ANKS1B: variants seen among roughly 807,000 people sequenced by gnomAD.
ANKS1B encodes ankyrin repeat and sterile alpha motif domain-containing protein 1B.
A neutral mutation model predicts 148.3 loss-of-function variants in ANKS1B; 36 were observed. The ratio of observed to expected loss-of-function variants is 0.24; its 90% CI spans 0.19 to 0.32. The LOEUF (loss-of-function observed/expected upper bound fraction) is 0.32. Ranked by LOEUF, ANKS1B falls within the 10% of genes least tolerant of loss-of-function variation. The probability of loss-of-function intolerance (pLI) is 1.00; values close to 1 mark genes in which losing one functional copy is unlikely to be tolerated. For synonymous variants in ANKS1B, 542 were observed against 560.8 expected, an observed-to-expected ratio of 0.97 and a Z score of 0.47; for missense variants, 1,157 against 1,542.6, an observed-to-expected ratio of 0.75 and a Z score of 4.19.
chr12:99,094,887 G>A (rs2055390919), intron 15 of ANKS1B, among the ~76,000 whole-genome samples: 1 of 152,150 alleles, frequency 6.6e-6, no homozygotes, highest in Non-Finnish European at 1.5e-5. Context: ...GATTCGGTGT[G>A]GAGAATGGAT....
intron 14 of ANKS1B, among the ~76,000 whole-genome samples, chr12:99,215,491 C>G (rs1267943196): frequency 3.3e-5 from 5 of 152,222 alleles, no homozygotes; most frequent in Non-Finnish European, 7.3e-5. Flanking sequence ...TCAACACCAG[C>G]CTGTGAAAGC....
chr12:98,786,697 G>A (rs2098798129), intron 22 of ANKS1B, among the ~76,000 whole-genome samples: 1 of 152,234 alleles, frequency 6.6e-6, no homozygotes, highest in Non-Finnish European at 1.5e-5. Context: ...AGGGGTTTAT[G>A]ATGGGGAGCA....
At chr12:99,915,476 C>T (rs1378340220) in intron 1 of ANKS1B, among the ~76,000 whole-genome samples, 3 of 152,082 alleles carry the variant, frequency 2.0e-5, no homozygotes, top group African/African-American at 7.2e-5. Context: ...TAATTTGTAG[C>T]AAGGAAATCA....
intron 14 of ANKS1B, among the ~76,000 whole-genome samples, chr12:99,204,760 G>T (rs1431749613): frequency 2.0e-5 from 3 of 152,192 alleles, no homozygotes; most frequent in African/African-American, 7.2e-5. Flanking sequence ...ATAAGCCGTT[G>T]CTAAGGCAAA....
chr12:99,480,179 AATT>A (rs1273989240), intron 10 of ANKS1B, among the ~76,000 whole-genome samples: 1 of 151,834 alleles, frequency 6.6e-6, no homozygotes, highest in African/African-American at 2.4e-5. Context: ...TGTGTAAAAT[AATT>A]ATATTGATTT....
chr12:99,079,362 T>C lies in ANKS1B; in HGVS notation c.2625+5563A>G, dbSNP rs147314884. Among the ~76,000 whole-genome samples the C allele has an allele frequency of 3.2e-3, 484 of 152,302 alleles. 2 individuals are homozygous for C. The highest frequency in any genetic ancestry group is 0.011 in the African/African-American group (460 of 41,566). Reference sequence around the variant, plus strand: ...AGAAGGGGGTAATTTAATCCATTCATTCAGAGGTTCTCAGTGCCATTCAGT... The same window carrying C: ...AGAAGGGGGTAATTTAATCCATTCACTCAGAGGTTCTCAGTGCCATTCAGT... On this transcript the variant is annotated intron_variant, in intron 16 of 26. Coordinates refer to ENST00000683438, the MANE Select transcript of ANKS1B (RefSeq NM_001352186.2).
chr12:99,965,303 T>C (rs1444977280), intron 1 of ANKS1B, among the ~76,000 whole-genome samples: 2 of 152,144 alleles, frequency 1.3e-5, no homozygotes, highest in African/African-American at 4.8e-5. Context: ...CTACTAAGTC[T>C]GAGATAATTT....
intron 9 of ANKS1B, among the ~76,000 whole-genome samples, chr12:99,575,737 G>C (rs764753938): frequency 1.3e-5 from 2 of 152,024 alleles, no homozygotes; most frequent in Non-Finnish European, 2.9e-5. Context: ...GGGAGCTACA[G>C]TTCAAGATGA....
chr12:99,881,479 C>T (rs1276267728), intron 1 of ANKS1B, among the ~76,000 whole-genome samples: 1 of 152,174 alleles, frequency 6.6e-6, no homozygotes, highest in Non-Finnish European at 1.5e-5. Flanking sequence ...GGTACAACTA[C>T]AGGATGTGTG....
At chr12:99,158,725 G>A (rs886763665) in intron 14 of ANKS1B, among the ~76,000 whole-genome samples, 4 of 152,154 alleles carry the variant, frequency 2.6e-5, no homozygotes, top group African/African-American at 9.7e-5. Context: ...CAGATTCTGA[G>A]ATTCTGTAGC....
chr12:99,462,027 C>T (rs1479340471), intron 10 of ANKS1B, among the ~76,000 whole-genome samples: 1 of 152,166 alleles, frequency 6.6e-6, no homozygotes, highest in Non-Finnish European at 1.5e-5. Context: ...AGTTTAGACA[C>T]AATGGCCCAT....
chr12:99,844,477 C>A (rs1254149374), intron 1 of ANKS1B, among the ~76,000 whole-genome samples: 1 of 152,156 alleles, frequency 6.6e-6, no homozygotes, highest in African/African-American at 2.4e-5. Context: ...GTTCTCCCAG[C>A]ACCATTTATT....
intron 14 of ANKS1B, among the ~76,000 whole-genome samples, chr12:99,220,531 C>A: frequency 6.9e-6 from 1 of 145,348 alleles, no homozygotes; most frequent in Non-Finnish European, 1.5e-5. Context: ...ACTGCAAACT[C>A]CGCCTCCCAG....
In ANKS1B at chr12:99,154,341, G is replaced by A; in HGVS notation, c.2474C>T (p.Pro825Leu). The change falls in exon 15 of 27, where the codon CCT (proline) becomes CTT (leucine). Residue 825 changes from proline (P) to leucine (L), a missense_variant. This residue lies in a region of ANKS1B where 258 missense variants were observed against 497.0 expected (regional missense o/e 0.52). Coordinates refer to ENST00000683438, the MANE Select transcript of ANKS1B (RefSeq NM_001352186.2). ...AGCCATCAGGTGGTTCTCGTACTGA[G>A]GTAGCCCAATGCTTTCCAACCATTG... The part of the protein sequence containing the change: ...VGQWLESIGL[P>L]QYENHLMANG... 4 of 1,613,774 alleles carry A rather than the reference G, an allele frequency of 2.5e-6. No individual in the cohort carries two copies. The highest frequency in any genetic ancestry group is 3.4e-6 in the Non-Finnish European group (4 of 1,179,722).
chr12:98,895,990 G>C (rs528617204), intron 17 of ANKS1B, among the ~76,000 whole-genome samples: 4 of 152,092 alleles, frequency 2.6e-5, no homozygotes, highest in Non-Finnish European at 5.9e-5. Context: ...TCAGTTCTTT[G>C]TTGCTTACAA....
intron 12 of ANKS1B, among the ~76,000 whole-genome samples, chr12:99,269,927 C>T (rs1203362261): frequency 6.6e-6 from 1 of 152,044 alleles, no homozygotes; most frequent in Non-Finnish European, 1.5e-5. Flanking sequence ...ACTGACTGAG[C>T]CATTGTTCCA....
chr12:99,137,300 C>T (rs1436236233), intron 15 of ANKS1B, among the ~76,000 whole-genome samples: 1 of 152,072 alleles, frequency 6.6e-6, no homozygotes, highest in Non-Finnish European at 1.5e-5. Flanking sequence ...AATTACCATC[C>T]CTGGACGCTA....
intron 5 of ANKS1B, 25 bp downstream of exon 5, chr12:99,781,997 C>G: frequency 6.4e-7 from 1 of 1,565,400 alleles, no homozygotes; most frequent in Non-Finnish European, 8.7e-7. Context: ...TCAGGATAAG[C>G]TCCATGCAGA....
rs1289787960 is a variant in ANKS1B at position 99,739,352 on chromosome 12, G to A, written c.1128+33570C>T. Among the ~76,000 whole-genome samples the A allele has an allele frequency of 2.1e-4, 24 of 113,664 alleles. 1 individual carries two copies. The East Asian group carries it at 3.9e-3, about 18-fold the overall frequency. 74.6% of individuals were successfully genotyped at this position (113,664 alleles called of 152,430 possible). On this transcript the variant is annotated intron_variant, in intron 8 of 26. Transcript: ENST00000683438. ...GGGGAGGGTTTTTTTTGGGGGGGGC[G>A]GGGCCAAAAAAAAAGTACTCAAAGC...
Sources: allele counts gnomAD v4.1 joint callset (sites outside exome capture counted in the v4.1 genomes callset), GRCh38; gene constraint gnomAD v4.1.1; regional missense constraint gnomAD v4.1.1; transcripts MANE v1.5; gene names NCBI Gene and HGNC (gene_info 2026-07-23, HGNC 2026-07-21).